Variants in CACNA1E observed in about 807,000 individuals in gnomAD.
The protein encoded by CACNA1E is voltage-dependent R-type calcium channel subunit alpha-1E.
A neutral mutation model predicts 259.2 loss-of-function variants in CACNA1E; 40 were observed. The observed-to-expected ratio is 0.15, with a 90% confidence interval of 0.12 to 0.20. The LOEUF (loss-of-function observed/expected upper bound fraction) is 0.20. CACNA1E is among the 10% of genes least tolerant of loss of function. The pLI is 1.00. For missense variants in CACNA1E, 1,874 were observed against 3,040.1 expected, an observed-to-expected ratio of 0.62 and a Z score of 9.02; for synonymous variants, 1,104 against 1,138.5, an observed-to-expected ratio of 0.97 and a Z score of 0.61.
chr1:181,535,005 C>T (rs1452378518), intron 3 of CACNA1E, among the ~76,000 whole-genome samples: 5 of 151,814 alleles, frequency 3.3e-5, no homozygotes, highest in African/African-American at 1.2e-4. Context: ...AGTAAGTGAA[C>T]ATAACATTAA....
At chr1:181,423,474 A>G (rs1220360897) in intron 2 of CACNA1E, among the ~76,000 whole-genome samples, 1 of 152,208 alleles carries the variant, frequency 6.6e-6, no homozygotes, top group African/African-American at 2.4e-5. Context: ...AGGAGGAACC[A>G]GTCCTGCAAG....
At chr1:181,553,268 G>C (rs761552569) in intron 3 of CACNA1E, among the ~76,000 whole-genome samples, 2 of 152,142 alleles carry the variant, frequency 1.3e-5, no homozygotes, top group African/African-American at 4.8e-5. Context: ...TAGCGATTGT[G>C]AATTGGGAGT....
intron 38 of CACNA1E, among the ~76,000 whole-genome samples, chr1:181,777,831 TG>T (rs1298398478): frequency 9.9e-5 from 15 of 152,218 alleles, no homozygotes; most frequent in African/African-American, 3.6e-4. Context: ...TCTATGGGAT[TG>T]GGAGCCTAAG....
intron 2 of CACNA1E, among the ~76,000 whole-genome samples, chr1:181,465,894 C>T (rs551375386): frequency 6.6e-6 from 1 of 150,728 alleles, no homozygotes; most frequent in African/African-American, 2.4e-5. Context: ...GCAGTGTACT[C>T]AGGATTGTGA....
chr1:181,631,018 C>G (rs1656681482), intron 6 of CACNA1E, among the ~76,000 whole-genome samples: 1 of 152,210 alleles, frequency 6.6e-6, no homozygotes, highest in Admixed American at 6.5e-5. Context: ...GAAGGCCTGG[C>G]TGGCAGGAGC....
intron 1 of CACNA1E, among the ~76,000 whole-genome samples, chr1:181,326,704 C>T (rs540215983): frequency 1.4e-4 from 21 of 152,272 alleles, no homozygotes; most frequent in African/African-American, 5.1e-4. Context: ...GATTTCTCTC[C>T]AACTGAATAC....
chr1:181,376,765 T>C (rs759702884), intron 1 of CACNA1E, among the ~76,000 whole-genome samples: 1 of 152,194 alleles, frequency 6.6e-6, no homozygotes, highest in Non-Finnish European at 1.5e-5. Context: ...CTATATTTGA[T>C]GGGATTTTCT....
At chr1:181,745,599 G>A (rs1657004124) in intron 25 of CACNA1E, among the ~76,000 whole-genome samples, 4 of 152,070 alleles carry the variant, frequency 2.6e-5, no homozygotes, top group Admixed American at 2.6e-4. Flanking sequence ...AGTAACTTGA[G>A]TCGGAAGACT....
intron 1 of CACNA1E, among the ~76,000 whole-genome samples, chr1:181,504,303 G>T (rs1665522973): frequency 6.6e-6 from 1 of 152,166 alleles, no homozygotes; most frequent in Non-Finnish European, 1.5e-5. Flanking sequence ...TCCAGGAAGT[G>T]CCTGAGTGCC....
Position 181,362,433 on chromosome 1 carries a change from C to G in CACNA1E, c.-15+44310C>G, listed in dbSNP as rs972092564. Reference sequence around the variant, plus strand: ...CACGTGGATACAGGCTTCATCTGGCCTTGGCTTTGTCGGTCCATAGGTATG... The same window carrying G: ...CACGTGGATACAGGCTTCATCTGGCGTTGGCTTTGTCGGTCCATAGGTATG... On this transcript the variant is annotated intron_variant, in intron 1 of 11. Coordinates refer to the CACNA1E transcript ENST00000524607. Among the ~76,000 whole-genome samples, 25 of 152,208 alleles carry G rather than the reference C, an allele frequency of 1.6e-4. 1 individual carries two copies. The highest frequency in any genetic ancestry group is 7.3e-5 in the Non-Finnish European group (5 of 68,040).
intron 25 of CACNA1E, among the ~76,000 whole-genome samples, chr1:181,744,478 T>C (rs548549211): frequency 6.6e-6 from 1 of 152,300 alleles, no homozygotes; most frequent in South Asian, 2.1e-4. Flanking sequence ...GGTGAGAATG[T>C]GCACATGTAA....
intron 43 of CACNA1E, 117 bp from the exon 44 acceptor site, chr1:181,790,328 G>A (rs1661190326): frequency 2.1e-6 from 1 of 474,070 alleles, no homozygotes; most frequent in Non-Finnish European, 3.8e-6. Flanking sequence ...CTAGCCACAT[G>A]TAAGTTACTA....
At chr1:181,571,640 T>C (rs1476276318) in intron 3 of CACNA1E, among the ~76,000 whole-genome samples, 1 of 152,254 alleles carries the variant, frequency 6.6e-6, no homozygotes, top group African/African-American at 2.4e-5. Flanking sequence ...TGCCTCCTCA[T>C]GGCCTCCTCA....
At chr1:181,380,949 C>T (rs769498593) in intron 1 of CACNA1E, among the ~76,000 whole-genome samples, 25 of 152,260 alleles carry the variant, frequency 1.6e-4, no homozygotes, top group Admixed American at 3.9e-4. Flanking sequence ...GGGTGGATCA[C>T]GAGGTCGGGA....
In CACNA1E at chr1:181,469,026, TCATTC is replaced by T. The variant is rs371635015; in HGVS notation, c.435-14717_435-14713del. ...GATAGGCACTAGAAAACTCATTCAT[TCATTC>T]AACAACAACAAAAAATTTATTAAAA... On this transcript the variant is annotated intron_variant, in intron 2 of 11. Transcript: ENST00000524607. 2.9e-3 allele frequency among the ~76,000 whole-genome samples: 447 copies of T among 152,296 alleles called. 1 individual carries two copies. Among genetic ancestry groups the T allele is most frequent in the African/African-American group, 0.01 (425 of 41,550 alleles).
At chr1:181,352,193 G>A (rs865910743) in intron 1 of CACNA1E, among the ~76,000 whole-genome samples, 1 of 152,200 alleles carries the variant, frequency 6.6e-6, no homozygotes, top group Admixed American at 6.5e-5. Context: ...GCAGGAAAGA[G>A]GGATGAGAAG....
intron 1 of CACNA1E, among the ~76,000 whole-genome samples, chr1:181,320,196 G>C (rs1650230108): frequency 6.6e-6 from 1 of 152,188 alleles, no homozygotes; most frequent in African/African-American, 2.4e-5. Flanking sequence ...TTGAAGGCTA[G>C]GATGTGTGTG....
chr1:181,806,128 C>T lies in CACNA1E; in HGVS notation c.*7294C>T, dbSNP rs530847354. 2.6e-5 allele frequency: 4 copies of T among 152,108 alleles called. No individual in the cohort carries two copies. Among genetic ancestry groups the T allele is most frequent in the East Asian group, 3.9e-4 (2 of 5,174 alleles). 9.4% of individuals were successfully genotyped at this position (152,108 alleles called of 1,614,324 possible). A position where few individuals can be genotyped will look rare whatever the true frequency, so the allele number is the denominator to read the frequency against. On this transcript the variant is annotated 3_prime_UTR_variant, in exon 48 of 48. Transcript: ENST00000367573. ...AAGAGGTTCTTGCTTTAAAGCGGCTCGAAGACAATCTTTATGACTTCAGCA... is the reference window on the plus strand; with the variant it reads ...AAGAGGTTCTTGCTTTAAAGCGGCTTGAAGACAATCTTTATGACTTCAGCA...
chr1:181,345,126 G>A (rs1557929553), intron 1 of CACNA1E, among the ~76,000 whole-genome samples: 1 of 152,372 alleles, frequency 6.6e-6, no homozygotes, highest in East Asian at 1.9e-4. Context: ...CTCAGCTGCA[G>A]CCTGGGTGCC....
Sources: allele counts gnomAD v4.1 joint callset (sites outside exome capture counted in the v4.1 genomes callset), GRCh38; gene constraint gnomAD v4.1.1; transcripts MANE v1.5; gene names NCBI Gene and HGNC (gene_info 2026-07-23, HGNC 2026-07-21).